RABGAP1: variants seen among roughly 807,000 people sequenced by gnomAD.
RABGAP1 encodes rab GTPase-activating protein 1.
In RABGAP1, 23 loss-of-function variants were observed where a neutral mutation model predicts 137.6. That is an observed-to-expected ratio of 0.17 (90% CI 0.12 to 0.24). RABGAP1 has a LOEUF of 0.24. RABGAP1 is among the 10% of genes least tolerant of loss of function. The probability of loss-of-function intolerance (pLI) is 1.00; values close to 1 mark genes in which losing one functional copy is unlikely to be tolerated. For missense variants in RABGAP1, 906 were observed against 1,275.8 expected (o/e 0.71, Z 4.42); for synonymous variants, 451 against 450.7 (o/e 1.00, Z -0.01).
intron 21 of RABGAP1, among the ~76,000 whole-genome samples, chr9:123,096,451 A>T (rs1026908585): frequency 5.3e-4 from 80 of 152,248 alleles, no homozygotes. Flanking sequence ...ATTACCAAGG[A>T]CAAAGAGGGA....
intron 19 of RABGAP1, among the ~76,000 whole-genome samples, chr9:123,084,126 A>C (rs191643248): frequency 6.5e-4 from 99 of 152,356 alleles, no homozygotes; most frequent in Admixed American, 5.2e-3. Context: ...ATGATCTATG[A>C]TAGAGTAAAA....
At chr9:123,071,969 A>G (rs2132143959) in intron 15 of RABGAP1, among the ~76,000 whole-genome samples, 1 of 152,272 alleles carries the variant, frequency 6.6e-6, no homozygotes, top group East Asian at 1.9e-4. Context: ...AGCCCAGATA[A>G]GGAGTCTGAA....
At chr9:123,059,720 A>G (rs1193433152) in intron 13 of RABGAP1, among the ~76,000 whole-genome samples, 1 of 152,160 alleles carries the variant, frequency 6.6e-6, no homozygotes, top group Non-Finnish European at 1.5e-5. Flanking sequence ...CCTGCCCCAT[A>G]TGAGAACACA....
chr9:122,968,142 G>A (rs1835272657), intron 2 of RABGAP1, among the ~76,000 whole-genome samples: 1 of 150,980 alleles, frequency 6.6e-6, no homozygotes, highest in Non-Finnish European at 1.5e-5. Context: ...TGTGCAATGA[G>A]TAAAATTACA....
chr9:123,024,365 C>G (rs1030802094), intron 13 of RABGAP1, among the ~76,000 whole-genome samples: 6 of 152,102 alleles, frequency 3.9e-5, no homozygotes, highest in Admixed American at 1.3e-4. Context: ...TACCTGCTGC[C>G]CCATATCCCA....
chr9:122,999,193 G>A (rs1837195501), intron 10 of RABGAP1, among the ~76,000 whole-genome samples: 1 of 151,314 alleles, frequency 6.6e-6, no homozygotes, highest in South Asian at 2.1e-4. Context: ...TTGTTTGTTT[G>A]TTTTTGAGAT....
chr9:123,007,066 G>A (rs2030343402), intron 10 of RABGAP1, among the ~76,000 whole-genome samples: 1 of 139,892 alleles, frequency 7.1e-6, no homozygotes, highest in African/African-American at 2.7e-5. Flanking sequence ...AACTACTGGT[G>A]TTTTTCATTT....
At chr9:122,985,212 C>G (rs1165363018) in intron 3 of RABGAP1, among the ~76,000 whole-genome samples, 2 of 152,000 alleles carry the variant, frequency 1.3e-5, no homozygotes, top group Non-Finnish European at 2.9e-5. Context: ...AAAGCAGGTG[C>G]TAAAACTATA....
intron 13 of RABGAP1, among the ~76,000 whole-genome samples, chr9:123,053,900 T>G (rs1298158427): frequency 1.3e-5 from 2 of 152,226 alleles, no homozygotes; most frequent in Non-Finnish European, 2.9e-5. Context: ...CAAAAGGATG[T>G]GTATTCAAAG....
intron 13 of RABGAP1, among the ~76,000 whole-genome samples, chr9:123,036,488 G>A (rs921693603): frequency 6.6e-6 from 1 of 152,176 alleles, no homozygotes; most frequent in Non-Finnish European, 1.5e-5. Flanking sequence ...TTTTATAATG[G>A]TGACTATATA....
chr9:122,990,969 A>G (rs1313178050), intron 6 of RABGAP1, among the ~76,000 whole-genome samples: 1 of 150,604 alleles, frequency 6.6e-6, no homozygotes, highest in Non-Finnish European at 1.5e-5. Flanking sequence ...TTTCCCAGTA[A>G]AGTTATCTGC....
intron 10 of RABGAP1, among the ~76,000 whole-genome samples, chr9:123,008,523 C>T (rs976916871): frequency 4.3e-5 from 6 of 138,950 alleles, no homozygotes; most frequent in African/African-American, 1.4e-4. Flanking sequence ...CCAGCCCTGG[C>T]GACAGAGGGA....
At chr9:122,966,599 C>G (rs1425496004) in intron 2 of RABGAP1, among the ~76,000 whole-genome samples, 4 of 151,376 alleles carry the variant, frequency 2.6e-5, no homozygotes, top group African/African-American at 9.7e-5. Context: ...ATTGAAGAGA[C>G]AAGTGATAAC....
chr9:122,955,832 G>A (rs1834488556), intron 1 of RABGAP1, among the ~76,000 whole-genome samples: 2 of 152,030 alleles, frequency 1.3e-5, no homozygotes, highest in Admixed American at 6.6e-5. Flanking sequence ...GCATAAATCA[G>A]GACTTCTCAG....
intron 13 of RABGAP1, among the ~76,000 whole-genome samples, chr9:123,063,975 A>T (rs142665797): frequency 5.0e-4 from 76 of 152,000 alleles, no homozygotes; most frequent in African/African-American, 1.7e-3. Context: ...CCTCACTAGC[A>T]CTCTACCCTA....
At position 123,029,676 on chromosome 9, in the gene RABGAP1, G is replaced by A. The variant is rs183415672; in HGVS notation, c.1794+9217G>A. 1,330 of 694,486 alleles carry A rather than the reference G, an allele frequency of 1.9e-3. 5 individuals carry two copies. Among genetic ancestry groups the A allele is most frequent in the Middle Eastern group, 0.013 (46 of 3,594 alleles). The allele number at this position is 694,486 out of a possible 1,614,324, so 43.0% of individuals were successfully genotyped here. A position where few individuals can be genotyped will look rare whatever the true frequency, so the allele number is the denominator to read the frequency against. On this transcript the variant is annotated intron_variant, in intron 13 of 25. Transcript: ENST00000373647. ...ATTTCTTCTTTTTGGCCTTGCCCCC[G>A]GGTTTGTTCACTGGGTCTTTGTCTT...
chr9:123,072,489 A>G (rs1020143816), intron 15 of RABGAP1, among the ~76,000 whole-genome samples: 11 of 152,196 alleles, frequency 7.2e-5, no homozygotes, highest in Non-Finnish European at 1.0e-4. Flanking sequence ...GGGTTTTCCA[A>G]TCAGACCCTC....
intron 1 of RABGAP1, among the ~76,000 whole-genome samples, chr9:122,956,690 C>CTAA (rs1834546017): frequency 6.6e-6 from 1 of 150,944 alleles, no homozygotes; most frequent in Non-Finnish European, 1.5e-5. Flanking sequence ...AAACAGAAGG[C>CTAA]TAATACTTAT....
intron 13 of RABGAP1, among the ~76,000 whole-genome samples, chr9:123,051,551 CTTGGTT>C (rs1266504456): frequency 6.7e-6 from 1 of 150,084 alleles, no homozygotes; most frequent in Non-Finnish European, 1.5e-5. Flanking sequence ...CTGGCCTCAC[CTTGGTT>C]TTATGTTTAA....
Sources: allele counts gnomAD v4.1 joint callset (sites outside exome capture counted in the v4.1 genomes callset), GRCh38; gene constraint gnomAD v4.1.1; transcripts MANE v1.5; gene names NCBI Gene and HGNC (gene_info 2026-07-23, HGNC 2026-07-21).